Variants in PDLIM5 observed in about 807,000 individuals in gnomAD.
The protein encoded by PDLIM5 is PDZ and LIM domain protein 5.
A neutral mutation model predicts 64.2 loss-of-function variants in PDLIM5; 34 were observed. The observed-to-expected ratio is 0.53, with a 90% confidence interval of 0.40 to 0.71. The LOEUF is 0.71. PDLIM5 is among the 30% of genes least tolerant of loss of function. The pLI is 0.00. For synonymous variants in PDLIM5, 253 were observed against 269.1 expected (o/e 0.94, Z 0.59); for missense variants, 683 against 733.6 (o/e 0.93, Z 0.80).
intron 2 of PDLIM5, among the ~76,000 whole-genome samples, chr4:94,457,428 A>G (rs1013188001): frequency 6.6e-6 from 1 of 152,122 alleles, no homozygotes; most frequent in African/African-American, 2.4e-5. Context: ...TATTTCTTCT[A>G]CTGATGATCT....
intron 6 of PDLIM5, 27 bp from the exon 7 acceptor site, chr4:94,586,381 T>C (rs1736200588): frequency 1.6e-6 from 2 of 1,272,988 alleles, no homozygotes; most frequent in Non-Finnish European, 2.3e-6. Context: ...AACAAACTAA[T>C]ATTGGATATT....
chr4:94,559,167 A>T (rs1231157355), intron 3 of PDLIM5, among the ~76,000 whole-genome samples: 1 of 152,204 alleles, frequency 6.6e-6, no homozygotes. Context: ...GCATTTTCTG[A>T]GAATTTTGTC....
At chr4:94,458,955 G>C (rs533758962) in intron 2 of PDLIM5, among the ~76,000 whole-genome samples, 1 of 152,098 alleles carries the variant, frequency 6.6e-6, no homozygotes, top group Non-Finnish European at 1.5e-5. Flanking sequence ...TTTAATTTCC[G>C]ATCCTTAAAA....
intron 11 of PDLIM5, among the ~76,000 whole-genome samples, chr4:94,660,094 C>T (rs1287460958): frequency 6.6e-6 from 1 of 151,922 alleles, no homozygotes; most frequent in African/African-American, 2.4e-5. Context: ...GACGGGGTTT[C>T]ACCATGTTGG....
chr4:94,627,626 C>T (rs767921041), intron 8 of PDLIM5, among the ~76,000 whole-genome samples: 1 of 152,162 alleles, frequency 6.6e-6, no homozygotes, highest in African/African-American at 2.4e-5. Context: ...CGGTTGTTTA[C>T]GTATTGTTTA....
At chr4:94,549,516 C>A (rs949111153) in intron 3 of PDLIM5, among the ~76,000 whole-genome samples, 7 of 152,082 alleles carry the variant, frequency 4.6e-5, no homozygotes, top group African/African-American at 1.7e-4. Context: ...TAAGAGCAAG[C>A]TAAATGTTCA....
chr4:94,508,232 C>T (rs1441561658), intron 2 of PDLIM5, among the ~76,000 whole-genome samples: 1 of 152,138 alleles, frequency 6.6e-6, no homozygotes, highest in African/African-American at 2.4e-5. Context: ...TGCTGTGTGA[C>T]GAGAGACCAG....
chr4:94,636,340 A>G (rs1186004877), intron 8 of PDLIM5, among the ~76,000 whole-genome samples: 1 of 151,560 alleles, frequency 6.6e-6, no homozygotes, highest in East Asian at 1.9e-4. Context: ...CCAATTGGTT[A>G]CTTTCCCATT....
At chr4:94,598,363 C>T (rs543260472) in intron 7 of PDLIM5, among the ~76,000 whole-genome samples, 3 of 152,240 alleles carry the variant, frequency 2.0e-5, no homozygotes, top group East Asian at 1.9e-4. Flanking sequence ...TAGTCCTTGA[C>T]GTTAATCTCT....
chr4:94,584,784 A>T (rs6840774), intron 5 of PDLIM5: 25,993 of 517,272 alleles, frequency 0.05, 1,112 homozygotes, highest in African/African-American at 0.15. Flanking sequence ...CAGCATATTG[A>T]TATTAATGGC....
At chr4:94,522,688 G>C (rs1037568790) in intron 2 of PDLIM5, among the ~76,000 whole-genome samples, 1 of 152,172 alleles carries the variant, frequency 6.6e-6, no homozygotes, top group African/African-American at 2.4e-5. Flanking sequence ...ACTGAATATA[G>C]TCACGGTGTT....
chr4:94,640,101 C>T (rs1740877532), intron 8 of PDLIM5, among the ~76,000 whole-genome samples, 175 bp from the exon 9 acceptor site: 3 of 151,956 alleles, frequency 2.0e-5, no homozygotes, highest in Non-Finnish European at 2.9e-5. Flanking sequence ...GTTTTCTTTC[C>T]CATTTACCTA....
chr4:94,485,911 A>G (rs978759192), intron 2 of PDLIM5, among the ~76,000 whole-genome samples: 2 of 152,116 alleles, frequency 1.3e-5, no homozygotes, highest in Non-Finnish European at 2.9e-5. Flanking sequence ...CTTTTAAAAA[A>G]CATGAAATCA....
chr4:94,657,693 A>G lies in PDLIM5; in HGVS notation c.1585+146A>G, dbSNP rs117756292. On this transcript the variant is annotated intron_variant, in intron 11 of 12. Coordinates refer to ENST00000317968, the MANE Select transcript of PDLIM5 (RefSeq NM_006457.5). ...ATTTAATGCTGCTCTAAGCATGTAG[A>G]AAAAACTATGTAGATTTTTTTTTTT... The G allele has an allele frequency of 1.2e-4, 66 of 549,648 alleles. No homozygotes were observed. The East Asian group carries it at 2.0e-3, about 17-fold the overall frequency. The allele number at this position is 549,648 out of a possible 1,614,324, so 34.0% of individuals were successfully genotyped here. A position where few individuals can be genotyped will look rare whatever the true frequency, so the allele number is the denominator to read the frequency against.
chr4:94,604,748 G>A (rs2110359094), intron 7 of PDLIM5, among the ~76,000 whole-genome samples: 1 of 152,304 alleles, frequency 6.6e-6, no homozygotes, highest in East Asian at 1.9e-4. Flanking sequence ...TTTCGAATAT[G>A]CAAGATGAAA....
In PDLIM5 at chr4:94,597,281, G is replaced by T. The variant is rs187977758; in HGVS notation, c.920+10837G>T. On this transcript the variant is annotated intron_variant, in intron 7 of 12. Transcript: ENST00000317968. ...GAGAAGTAACACTTAAGCAAATTTG[G>T]TGGAATCAAGTTTACCCTTGGCTTA... Among the ~76,000 whole-genome samples the T allele has an allele frequency of 5.6e-4, 85 of 152,230 alleles. 1 individual carries two copies. The highest frequency in any genetic ancestry group is 7.4e-5 in the Non-Finnish European group (5 of 67,976).
At chr4:94,583,031 G>A (rs1273332972) in intron 5 of PDLIM5, 1 of 216,980 alleles carries the variant, frequency 4.6e-6, no homozygotes, top group Non-Finnish European at 9.0e-6. Context: ...CTTTCCTTTA[G>A]CTTATTATTA....
chr4:94,624,164 AG>A (rs1486477170), intron 8 of PDLIM5, among the ~76,000 whole-genome samples: 1 of 151,258 alleles, frequency 6.6e-6, no homozygotes, highest in Non-Finnish European at 1.5e-5. Flanking sequence ...AAAAAAAAAA[AG>A]AAGTTGGCTG....
chr4:94,571,411 G>A (rs1734789284), intron 3 of PDLIM5, among the ~76,000 whole-genome samples: 1 of 152,156 alleles, frequency 6.6e-6, no homozygotes, highest in South Asian at 2.1e-4. Context: ...ACTGGGCTGA[G>A]GCACTGGTAT....
Sources: gnomAD v4.1 joint callset for allele counts (sites outside exome capture counted in the v4.1 genomes callset) on GRCh38, gnomAD v4.1.1 for gene constraint, MANE v1.5 for transcripts, NCBI Gene and HGNC (gene_info 2026-07-23, HGNC 2026-07-21) for gene names.